Variants in SGCE observed in about 807,000 individuals in gnomAD.
SGCE encodes epsilon-sarcoglycan.
In SGCE, 26 loss-of-function variants were observed where a neutral mutation model predicts 57.8. That is an observed-to-expected ratio of 0.45 (90% confidence interval 0.33 to 0.62). SGCE has a LOEUF of 0.62. SGCE is among the 20% of genes least tolerant of loss of function. The probability of loss-of-function intolerance (pLI) is 0.02; values close to 1 mark genes in which losing one functional copy is unlikely to be tolerated. For synonymous variants in SGCE, 183 were observed against 189.5 expected, an observed-to-expected ratio of 0.97 and a Z score of 0.28; for missense variants, 468 against 548.6, an observed-to-expected ratio of 0.85 and a Z score of 1.47.
chr7:94,597,446 G>A (rs1304204660), intron 9 of SGCE: 2 of 151,942 alleles, frequency 1.3e-5, no homozygotes, highest in East Asian at 1.9e-4. Context: ...ATTCTACCTG[G>A]TTACAGAATA....
intron 1 of SGCE, among the ~76,000 whole-genome samples, chr7:94,653,675 G>T (rs1446077980): frequency 2.6e-5 from 4 of 151,826 alleles, no homozygotes; most frequent in African/African-American, 7.2e-5. Flanking sequence ...TAACAAAAAG[G>T]TTTTATCTAA....
intron 1 of SGCE, among the ~76,000 whole-genome samples, chr7:94,652,484 T>C (rs1808042355): frequency 1.3e-5 from 2 of 152,200 alleles, no homozygotes; most frequent in Non-Finnish European, 2.9e-5. Context: ...TCTTCACTAC[T>C]TCAATATTTT....
intron 1 of SGCE, among the ~76,000 whole-genome samples, chr7:94,642,836 G>A (rs959408535): frequency 6.6e-6 from 1 of 152,184 alleles, no homozygotes; most frequent in South Asian, 2.1e-4. Context: ...AGATTTAACT[G>A]CTTCCCATCA....
intron 5 of SGCE, among the ~76,000 whole-genome samples, chr7:94,614,106 T>TAAAAAAA (rs1562832897): frequency 8.9e-4 from 49 of 54,870 alleles, no homozygotes; most frequent in South Asian, 3.5e-3. Flanking sequence ...CAAATTGAAA[T>TAAAAAAA]CAAAAAAAAA....
At chr7:94,587,175 A>G in intron 10 of SGCE, 1 of 985,092 alleles carries the variant, frequency 1.0e-6, no homozygotes, top group Non-Finnish European at 1.2e-6. Flanking sequence ...TTGTTTAGGC[A>G]TAAATTGTCC....
intron 5 of SGCE, among the ~76,000 whole-genome samples, chr7:94,613,145 C>T (rs1801317598): frequency 6.6e-6 from 1 of 152,138 alleles, no homozygotes; most frequent in South Asian, 2.1e-4. Flanking sequence ...AGATGTCATG[C>T]TCAGAAGCAG....
intron 1 of SGCE, among the ~76,000 whole-genome samples, chr7:94,639,683 A>T (rs1339678257): frequency 6.6e-6 from 1 of 152,174 alleles, no homozygotes; most frequent in Non-Finnish European, 1.5e-5. Flanking sequence ...GGGGATTGGC[A>T]ATTCATGTAC....
chr7:94,602,594 AAAC>A (rs1187572152), intron 6 of SGCE, among the ~76,000 whole-genome samples: 2 of 152,108 alleles, frequency 1.3e-5, no homozygotes, highest in Non-Finnish European at 2.9e-5. Context: ...AAGAAAAAAA[AAAC>A]AAAGAATTGA....
intron 1 of SGCE, among the ~76,000 whole-genome samples, chr7:94,643,901 A>G (rs1461955333): frequency 6.6e-6 from 1 of 152,180 alleles, no homozygotes; most frequent in Admixed American, 6.5e-5. Context: ...TAAAATATGT[A>G]TCCTACCTAC....
rs536190047 is a variant in SGCE, at chr7:94,623,224, T to C, written c.463+101A>G. The C allele has an allele frequency of 1.5e-4, 103 of 676,006 alleles. 3 individuals carry two copies. In the South Asian group the frequency reaches 2.0e-3, roughly 13 times the overall value. 41.9% of individuals were successfully genotyped at this position (676,006 alleles called of 1,614,324 possible). Reference sequence around the variant, plus strand: ...TTATTATTTCATCAGTTATATTAGGTATGTGGCATTTTAAAATTCTTGACT... The same window carrying C: ...TTATTATTTCATCAGTTATATTAGGCATGTGGCATTTTAAAATTCTTGACT... On this transcript the variant is annotated intron_variant, in intron 4 of 10. Coordinates refer to ENST00000648936, the MANE Select transcript of SGCE (RefSeq NM_003919.3).
At chr7:94,586,061 G>GAAAAAAAAAAAAAAAAAAAAAAAAAAA (rs780812386) in intron 10 of SGCE, among the ~76,000 whole-genome samples, 2 of 28,908 alleles carry the variant, frequency 6.9e-5, no homozygotes, top group Non-Finnish European at 1.2e-4. Flanking sequence ...GGAACTAAAT[G>GAAAAAAAAAAAAAAAAAAAAAAAAAAA]AAAAAAAAAA....
At chr7:94,641,930 G>T (rs1298900123) in intron 1 of SGCE, among the ~76,000 whole-genome samples, 2 of 152,028 alleles carry the variant, frequency 1.3e-5, no homozygotes, top group African/African-American at 4.8e-5. Context: ...AACCACTGCT[G>T]GGACCACTGC....
intron 9 of SGCE, chr7:94,597,279 AACAGGCACCTT>A (rs1352407208): frequency 1.3e-5 from 2 of 152,202 alleles, no homozygotes; most frequent in Non-Finnish European, 2.9e-5. Context: ...CATGCACATA[AACAGGCACCTT>A]AGTCTGTATG....
At chr7:94,602,259 C>T (rs1799380869) in intron 6 of SGCE, among the ~76,000 whole-genome samples, 1 of 151,938 alleles carries the variant, frequency 6.6e-6, no homozygotes, top group South Asian at 2.1e-4. Context: ...GCAAATTTGC[C>T]TATAATAATA....
chr7:94,589,430 A>C (rs1797350115), intron 9 of SGCE: 1 of 153,314 alleles, frequency 6.5e-6, no homozygotes, highest in South Asian at 2.0e-4. Context: ...TTGTTTCCTC[A>C]TTTACATTCT....
At chr7:94,650,156 G>C (rs1242879896) in intron 1 of SGCE, among the ~76,000 whole-genome samples, 1 of 152,154 alleles carries the variant, frequency 6.6e-6, no homozygotes, top group Non-Finnish European at 1.5e-5. Flanking sequence ...ACAGACAGAA[G>C]TTAAAAACAT....
chr7:94,585,592 A>G, intron 10 of SGCE, 77 bp from the exon 11 acceptor site: 1 of 916,782 alleles, frequency 1.1e-6, no homozygotes, highest in Admixed American at 1.7e-5. Flanking sequence ...AAAGCAAATT[A>G]TGGCAAGGAG....
At chr7:94,586,394 G>C (rs1463940884) in intron 10 of SGCE, 1 of 152,284 alleles carries the variant, frequency 6.6e-6, no homozygotes, top group East Asian at 1.9e-4. Context: ...TTTAGAAATT[G>C]AGAAATAAAC....
intron 5 of SGCE, among the ~76,000 whole-genome samples, chr7:94,612,540 C>T (rs777867175): frequency 1.5e-4 from 23 of 151,984 alleles, no homozygotes; most frequent in Admixed American, 7.9e-4. Flanking sequence ...TGATTTATTC[C>T]GCAATTATTT....
Sources: allele counts gnomAD v4.1 joint callset (sites outside exome capture counted in the v4.1 genomes callset), GRCh38; gene constraint gnomAD v4.1.1; transcripts MANE v1.5; gene names NCBI Gene and HGNC (gene_info 2026-07-23, HGNC 2026-07-21).